Variants in SPHKAP observed in about 807,000 individuals in gnomAD.
The protein encoded by SPHKAP is A-kinase anchor protein SPHKAP.
Under a neutral mutation model 137.5 loss-of-function variants are expected in SPHKAP, and 67 were observed. The observed-to-expected ratio is 0.49, with a 90% confidence interval of 0.40 to 0.60. The LOEUF (loss-of-function observed/expected upper bound fraction) is 0.60, where lower values mean the gene tolerates loss of function less well. SPHKAP is among the 20% of genes least tolerant of loss of function. SPHKAP has a pLI of 0.00. For missense variants in SPHKAP, 2,097 were observed against 2,069.3 expected (o/e 1.01, Z -0.26); for synonymous variants, 813 against 785.3 (o/e 1.04, Z -0.59).
At chr2:228,100,469 G>A (rs1404074493) in intron 3 of SPHKAP, among the ~76,000 whole-genome samples, 1 of 152,044 alleles carries the variant, frequency 6.6e-6, no homozygotes, top group Non-Finnish European at 1.5e-5. Flanking sequence ...GTATAATGTT[G>A]ACTGTGGGTT....
intron 3 of SPHKAP, among the ~76,000 whole-genome samples, chr2:228,044,708 C>T (rs1377088907): frequency 6.6e-6 from 1 of 152,224 alleles, no homozygotes; most frequent in African/African-American, 2.4e-5. Flanking sequence ...CAAGAGGGAA[C>T]ATCTATTACA....
intron 8 of SPHKAP, chr2:227,994,197 A>C: frequency 7.8e-6 from 3 of 383,952 alleles, no homozygotes; most frequent in Non-Finnish European, 7.1e-6. Flanking sequence ...GGGCAATGTC[A>C]ATGTTTTATC....
chr2:228,088,265 TGTA>T (rs1205074796), intron 3 of SPHKAP, among the ~76,000 whole-genome samples: 9 of 152,196 alleles, frequency 5.9e-5, no homozygotes, highest in Non-Finnish European at 1.2e-4. Flanking sequence ...TATATATAGA[TGTA>T]GTATTAATAA....
chr2:228,026,067 G>A lies in SPHKAP; in HGVS notation c.307-539C>T, dbSNP rs542638907. 5.3e-5 allele frequency among the ~76,000 whole-genome samples: 8 copies of A among 152,084 alleles called. No homozygotes were observed. The South Asian group carries it at 1.7e-3, about 32-fold the overall frequency. ...TGAGATCTGATGGTTTTAAAAAGTG[G>A]GAATTTTTCTGCACAAGCTCTCTCT... On this transcript the variant is annotated intron_variant, in intron 4 of 11. Transcript: ENST00000392056.
intron 3 of SPHKAP, among the ~76,000 whole-genome samples, chr2:228,064,323 T>C (rs1559154411): frequency 1.3e-5 from 2 of 152,172 alleles, no homozygotes; most frequent in Non-Finnish European, 2.9e-5. Context: ...ACATTGTAAA[T>C]AGAAATATTA....
At chr2:228,055,508 G>A (rs754201321) in intron 3 of SPHKAP, among the ~76,000 whole-genome samples, 1 of 152,180 alleles carries the variant, frequency 6.6e-6, no homozygotes, top group Admixed American at 6.6e-5. Flanking sequence ...AGTGTCTGGT[G>A]GGGGAGACTC....
chr2:228,065,948 T>C (rs924193687), intron 3 of SPHKAP, among the ~76,000 whole-genome samples: 1 of 152,164 alleles, frequency 6.6e-6, no homozygotes, highest in Admixed American at 6.5e-5. Flanking sequence ...TAGGTAATGA[T>C]GGTGCAGCTG....
chr2:228,134,149 A>AGAAG (rs1491401076), intron 1 of SPHKAP, among the ~76,000 whole-genome samples: 2 of 147,048 alleles, frequency 1.4e-5, no homozygotes, highest in Non-Finnish European at 3.0e-5. Flanking sequence ...AGAGAAAGAA[A>AGAAG]GAGGAAGAAA....
At position 228,045,499 on chromosome 2, in the gene SPHKAP, C is replaced by A. The variant is rs563389746; in HGVS notation, c.247-17956G>T. The stretch of plus-strand genomic sequence containing the variant: ...CATTCTCAGCAAACTATCGCAAGGA[C>A]AAAAAACCAAACACCACATGTTCTC... On this transcript the variant is annotated intron_variant, in intron 3 of 11. Transcript: ENST00000392056. Among the ~76,000 whole-genome samples, 897 of 151,228 alleles carry A rather than the reference C, an allele frequency of 5.9e-3. 8 individuals carry two copies. Among genetic ancestry groups the A allele is most frequent in the African/African-American group, 0.021 (858 of 41,038 alleles).
chr2:228,010,189 A>G (rs993819224), intron 7 of SPHKAP, among the ~76,000 whole-genome samples: 1 of 152,130 alleles, frequency 6.6e-6, no homozygotes, highest in South Asian at 2.1e-4. Flanking sequence ...TGCTTGTTGT[A>G]CAATGTATGA....
At chr2:228,015,027 G>A (rs987560178) in intron 7 of SPHKAP, among the ~76,000 whole-genome samples, 4 of 151,274 alleles carry the variant, frequency 2.6e-5, no homozygotes, top group African/African-American at 9.7e-5. Flanking sequence ...CCATTAACTT[G>A]TCATTTAGCA....
At chr2:228,037,060 T>C (rs900965929) in intron 3 of SPHKAP, among the ~76,000 whole-genome samples, 9 of 152,004 alleles carry the variant, frequency 5.9e-5, no homozygotes, top group African/African-American at 2.2e-4. Flanking sequence ...GATAAAATAT[T>C]TTTCAGCTTA....
At chr2:228,071,369 T>A (rs909470136) in intron 3 of SPHKAP, among the ~76,000 whole-genome samples, 7 of 152,252 alleles carry the variant, frequency 4.6e-5, no homozygotes, top group Non-Finnish European at 1.0e-4. Flanking sequence ...ATCTGGGAAC[T>A]TGTCGGCTGC....
At chr2:227,992,655 T>C (rs1000215207) in intron 9 of SPHKAP, among the ~76,000 whole-genome samples, 3 of 152,214 alleles carry the variant, frequency 2.0e-5, no homozygotes, top group Admixed American at 6.5e-5. Context: ...ATAATGTGTA[T>C]GCTCATCTCT....
intron 2 of SPHKAP, among the ~76,000 whole-genome samples, chr2:228,126,890 C>T (rs1699091588): frequency 6.6e-6 from 1 of 152,240 alleles, no homozygotes; most frequent in Admixed American, 6.5e-5. Context: ...CTTAGAGATT[C>T]ATTATGAAAC....
intron 3 of SPHKAP, among the ~76,000 whole-genome samples, chr2:228,069,232 A>G (rs1402106879): frequency 6.6e-6 from 1 of 152,044 alleles, no homozygotes; most frequent in Admixed American, 6.6e-5. Flanking sequence ...GTGCCATTGC[A>G]CTCCAGCCTG....
Position 228,063,186 on chromosome 2 carries a change from G to A in SPHKAP, c.247-35643C>T, listed in dbSNP as rs75428508. Among the ~76,000 whole-genome samples the A allele has an allele frequency of 4.7e-3, 609 of 130,712 alleles. 1 individual carries two copies. The highest frequency in any genetic ancestry group is 5.6e-3 in the Non-Finnish European group (329 of 58,930). The allele number at this position is 130,712 out of a possible 152,430, so 85.8% of individuals were successfully genotyped here. A position where few individuals can be genotyped will look rare whatever the true frequency, so the allele number is the denominator to read the frequency against. On this transcript the variant is annotated intron_variant, in intron 3 of 11. Transcript: ENST00000392056. ...TATCTATCTATCTATCTGTCTGTCTGTCTGTCTGTCTATCTATCTATCTAT... is the reference window on the plus strand; with the variant it reads ...TATCTATCTATCTATCTGTCTGTCTATCTGTCTGTCTATCTATCTATCTAT...
Position 228,143,170 on chromosome 2 carries a change from A to G in SPHKAP, c.33-11085T>C, listed in dbSNP as rs566319038. The stretch of plus-strand genomic sequence containing the variant: ...TTGCCCTCAAAAATGTCATGGGAAA[A>G]TGTTCCCATGTTAACTGAACACAGT... On this transcript the variant is annotated intron_variant, in intron 1 of 11. Transcript: ENST00000392056. Among the ~76,000 whole-genome samples, 5 of 152,318 alleles carry G rather than the reference A, an allele frequency of 3.3e-5. No individual in the cohort carries two copies. The South Asian group carries it at 1.0e-3, about 32-fold the overall frequency.
At chr2:228,116,373 C>A (rs902443768) in intron 2 of SPHKAP, among the ~76,000 whole-genome samples, 4 of 152,128 alleles carry the variant, frequency 2.6e-5, no homozygotes, top group African/African-American at 9.7e-5. Flanking sequence ...CAACGCAAGG[C>A]AAGTCACTTA....
Sources: gnomAD v4.1 joint callset for allele counts (sites outside exome capture counted in the v4.1 genomes callset) on GRCh38, gnomAD v4.1.1 for gene constraint, MANE v1.5 for transcripts, NCBI Gene and HGNC (gene_info 2026-07-23, HGNC 2026-07-21) for gene names.